The following LYN variants were observed in gnomAD, a reference collection of about 807,000 sequenced individuals.
LYN encodes LYN proto-oncogene, Src family tyrosine kinase.
In LYN, 12 loss-of-function variants were observed where a neutral mutation model predicts 65.0. The observed-to-expected ratio is 0.18, with a 90% CI of 0.12 to 0.30. The LOEUF is 0.30. LYN is among the 10% of genes least tolerant of loss of function. The pLI is 1.00. For missense variants in LYN, 380 were observed against 623.2 expected (o/e 0.61, Z 4.16); for synonymous variants, 222 against 221.2 (o/e 1.00, Z -0.03).
intron 1 of LYN, among the ~76,000 whole-genome samples, chr8:55,911,283 ATATTT>A (rs1349856413): frequency 4.4e-5 from 2 of 45,366 alleles, no homozygotes; most frequent in African/African-American, 2.3e-4. Flanking sequence ...ATATATATAT[ATATTT>A]TTTTTTTTTT....
chr8:55,895,164 G>T (rs1484758007), intron 1 of LYN, among the ~76,000 whole-genome samples: 1 of 151,988 alleles, frequency 6.6e-6, no homozygotes, highest in East Asian at 1.9e-4. Context: ...CTGATGCTTG[G>T]CATCTCTGCG....
intron 2 of LYN, among the ~76,000 whole-genome samples, chr8:55,944,130 T>C (rs901871900): frequency 1.3e-5 from 2 of 152,170 alleles, no homozygotes; most frequent in Non-Finnish European, 2.9e-5. Flanking sequence ...ATCATGCTAT[T>C]AAGTTATCAT....
chr8:55,947,841 G>T (rs186202949), intron 4 of LYN, 118 bp downstream of exon 4: 7 of 692,550 alleles, frequency 1.0e-5, no homozygotes, highest in Admixed American at 4.6e-5. Context: ...TCTTGTAATG[G>T]GTATGAGGCC....
At chr8:55,890,117 CAAAAAAAAAAAA>C (rs34706733) in intron 1 of LYN, among the ~76,000 whole-genome samples, 2 of 79,092 alleles carry the variant, frequency 2.5e-5, no homozygotes, top group Non-Finnish European at 4.4e-5. Context: ...CCTCTATAGA[CAAAAAAAAAAAA>C]AAAAAAAAAG....
At chr8:55,923,071 G>A (rs1026622206) in intron 1 of LYN, among the ~76,000 whole-genome samples, 37 of 152,304 alleles carry the variant, frequency 2.4e-4, no homozygotes, top group African/African-American at 6.7e-4. Context: ...AATGTGAAGC[G>A]AAAGTGACAG....
intron 1 of LYN, among the ~76,000 whole-genome samples, chr8:55,934,623 T>C (rs1253123593): frequency 6.6e-6 from 1 of 152,208 alleles, no homozygotes; most frequent in Non-Finnish European, 1.5e-5. Flanking sequence ...CATCTGGCTG[T>C]TTTGTCTTGA....
chr8:55,906,699 C>A (rs1395070491), intron 1 of LYN, among the ~76,000 whole-genome samples: 3 of 149,746 alleles, frequency 2.0e-5, no homozygotes, highest in Non-Finnish European at 3.0e-5. Context: ...GTAGCAAGAC[C>A]CAGTCTCTAC....
At chr8:55,903,735 T>C (rs775954981) in intron 1 of LYN, among the ~76,000 whole-genome samples, 6 of 152,238 alleles carry the variant, frequency 3.9e-5, no homozygotes, top group Non-Finnish European at 2.9e-5. Flanking sequence ...TAAAGTGTTT[T>C]ATCCATGGTA....
chr8:56,008,118 C>CA (rs1554519937), intron 12 of LYN, among the ~76,000 whole-genome samples: 283 of 64,284 alleles, frequency 4.4e-3, no homozygotes, highest in South Asian at 0.013. Context: ...GACTCTGCCT[C>CA]AAAAAAAAAA....
intron 1 of LYN, among the ~76,000 whole-genome samples, chr8:55,886,014 G>A (rs1804782802): frequency 6.6e-6 from 1 of 152,152 alleles, no homozygotes; most frequent in Non-Finnish European, 1.5e-5. Context: ...CCTGCTTTGC[G>A]AAGCCCACCC....
chr8:55,977,954 T>C (rs1184587094), intron 10 of LYN, among the ~76,000 whole-genome samples: 1 of 152,020 alleles, frequency 6.6e-6, no homozygotes, highest in African/African-American at 2.4e-5. Context: ...AGAGCTCGTC[T>C]CTAAAGGGTA....
intron 12 of LYN, among the ~76,000 whole-genome samples, chr8:56,005,689 A>G (rs1808653237): frequency 6.6e-6 from 1 of 152,240 alleles, no homozygotes; most frequent in Admixed American, 6.5e-5. Context: ...GGGATGAATT[A>G]CAGAAAAAAG....
chr8:55,932,049 G>A (rs923439394), intron 1 of LYN, among the ~76,000 whole-genome samples: 1 of 152,166 alleles, frequency 6.6e-6, no homozygotes, highest in East Asian at 1.9e-4. Context: ...AAATTAGGAT[G>A]TGTTAACCTG....
intron 1 of LYN, among the ~76,000 whole-genome samples, chr8:55,893,299 A>G (rs775615847): frequency 6.6e-6 from 1 of 152,242 alleles, no homozygotes; most frequent in Non-Finnish European, 1.5e-5. Context: ...AGCCAAGTCA[A>G]TTTATAAATG....
intron 1 of LYN, among the ~76,000 whole-genome samples, chr8:55,933,979 G>A (rs1271104694): frequency 1.3e-5 from 2 of 152,162 alleles, no homozygotes; most frequent in Non-Finnish European, 2.9e-5. Context: ...TGTAATCCCA[G>A]CACTTTGGGA....
chr8:55,923,215 G>T (rs576757046), intron 1 of LYN, among the ~76,000 whole-genome samples: 30 of 152,198 alleles, frequency 2.0e-4, no homozygotes, highest in African/African-American at 7.2e-4. Flanking sequence ...ACGAATTGGG[G>T]GTGGCCTCTA....
At position 55,880,076 on chromosome 8, in the gene LYN, G is replaced by A. The variant is rs1426187983; in HGVS notation, c.-33G>A. The A allele has an allele frequency of 3.2e-6, 1 of 312,874 alleles. No individual in the cohort carries two copies. Among genetic ancestry groups the A allele is most frequent in the South Asian group, 2.3e-5 (1 of 43,274 alleles). The allele number at this position is 312,874 out of a possible 1,614,324, so 19.4% of individuals were successfully genotyped here. ...TGAACTCAAGTCACCGTGGAGCTCC[G>A]CCGCCCCGAAACTTTCACCGCGAGC... On this transcript the variant is annotated 5_prime_UTR_variant, in exon 1 of 13. Coordinates refer to ENST00000519728, the MANE Select transcript of LYN (RefSeq NM_002350.4).
chr8:56,002,008 C>T (rs999871464), intron 12 of LYN, among the ~76,000 whole-genome samples: 10 of 152,140 alleles, frequency 6.6e-5, no homozygotes, highest in Non-Finnish European at 1.3e-4. Flanking sequence ...TGGCTGGGCA[C>T]GGCAGCTCAC....
At chr8:55,890,555 A>T (rs1804928901) in intron 1 of LYN, among the ~76,000 whole-genome samples, 1 of 152,216 alleles carries the variant, frequency 6.6e-6, no homozygotes, top group Admixed American at 6.5e-5. Context: ...TAGAATTGCC[A>T]TATGATGCAG....
Sources: gnomAD v4.1 joint callset for allele counts (sites outside exome capture counted in the v4.1 genomes callset) on GRCh38, gnomAD v4.1.1 for gene constraint, MANE v1.5 for transcripts, NCBI Gene and HGNC (gene_info 2026-07-23, HGNC 2026-07-21) for gene names.